Variants in BBX observed in about 807,000 individuals in gnomAD.
BBX encodes HMG box transcription factor BBX.
A neutral mutation model predicts 100.2 loss-of-function variants in BBX; 30 were observed. The ratio of observed to expected loss-of-function variants is 0.30; its 90% CI spans 0.22 to 0.41. BBX has a LOEUF of 0.41. Among genes scored for constraint, BBX ranks in the 10% least tolerant of loss-of-function variants. The pLI is 1.00. For missense variants in BBX, 1,023 were observed against 1,129.8 expected, an observed-to-expected ratio of 0.91 and a Z score of 1.35; for synonymous variants, 376 against 388.1, an observed-to-expected ratio of 0.97 and a Z score of 0.37.
intron 3 of BBX, among the ~76,000 whole-genome samples, chr3:107,655,335 A>G (rs943573784): frequency 2.6e-5 from 4 of 152,128 alleles, no homozygotes; most frequent in Admixed American, 2.0e-4. Context: ...GCTACCTGCT[A>G]TTAGTATTAA....
At chr3:107,690,617 A>G (rs1424259930) in intron 3 of BBX, among the ~76,000 whole-genome samples, 5 of 152,196 alleles carry the variant, frequency 3.3e-5, no homozygotes, top group South Asian at 2.1e-4. Context: ...TATATGGTTT[A>G]TGATTATTTT....
Position 107,800,727 on chromosome 3 carries a change from G to T in BBX, c.2552-368G>T, listed in dbSNP as rs375280212. Among the ~76,000 whole-genome samples the T allele has an allele frequency of 1.3e-4, 20 of 152,278 alleles. No individual in the cohort carries two copies. The East Asian group carries it at 2.5e-3, about 19-fold the overall frequency. On this transcript the variant is annotated intron_variant, in intron 16 of 17. Coordinates refer to ENST00000325805, the MANE Select transcript of BBX (RefSeq NM_001142568.3). ...TTCATGAGAAATGCTTAGTCAGTTG[G>T]GTTTTTAAGGGCTCTTTTACAGCAT...
intron 4 of BBX, among the ~76,000 whole-genome samples, chr3:107,712,419 A>G (rs1309964278): frequency 6.6e-6 from 1 of 152,048 alleles, no homozygotes; most frequent in African/African-American, 2.4e-5. Flanking sequence ...TTCTTCTCCC[A>G]ACCTTCTCCT....
intron 2 of BBX, chr3:107,641,895 A>G (rs1051296516): frequency 2.6e-5 from 4 of 152,158 alleles, no homozygotes. Context: ...CTCTTTATTC[A>G]TAGTTTATGT....
intron 3 of BBX, among the ~76,000 whole-genome samples, chr3:107,651,752 C>G (rs1240876138): frequency 6.6e-6 from 1 of 152,022 alleles, no homozygotes; most frequent in Admixed American, 6.6e-5. Context: ...TAATTATTGT[C>G]CTGTCTCCTT....
At chr3:107,766,943 A>G (rs1217948137) in intron 10 of BBX, among the ~76,000 whole-genome samples, 3 of 152,170 alleles carry the variant, frequency 2.0e-5, no homozygotes, top group South Asian at 4.1e-4. Context: ...TCAGCAACCT[A>G]ACACAGGAAC....
In BBX at chr3:107,588,901, G is replaced by A. The variant is rs369721274; in HGVS notation, c.-83-56935G>A. Among the ~76,000 whole-genome samples the A allele has an allele frequency of 9.9e-5, 15 of 152,220 alleles. No individual in the cohort carries two copies. The South Asian group carries it at 2.9e-3, about 29-fold the overall frequency. On this transcript the variant is annotated intron_variant, in intron 2 of 17. Coordinates refer to ENST00000325805, the MANE Select transcript of BBX (RefSeq NM_001142568.3). ...TTATTTATTTTAATTTTAAAATTAC[G>A]TATTTAGTCTACTAATCAACACCCA...
intron 3 of BBX, among the ~76,000 whole-genome samples, chr3:107,656,814 A>G (rs1402127493): frequency 6.6e-6 from 1 of 152,238 alleles, no homozygotes; most frequent in East Asian, 1.9e-4. Context: ...GGCAATGTCT[A>G]GGCACAAAAG....
chr3:107,525,662 T>G (rs1212905330), intron 1 of BBX, among the ~76,000 whole-genome samples: 1 of 152,120 alleles, frequency 6.6e-6, no homozygotes, highest in Non-Finnish European at 1.5e-5. Flanking sequence ...GTGGGATCCC[T>G]CGCTCTCTTC....
chr3:107,741,763 A>G (rs1298979618), intron 7 of BBX, among the ~76,000 whole-genome samples: 2 of 152,232 alleles, frequency 1.3e-5, no homozygotes, highest in Admixed American at 6.5e-5. Flanking sequence ...GATATGGCAC[A>G]ATATTTTAAA....
chr3:107,603,297 T>C (rs2054193644), intron 2 of BBX, among the ~76,000 whole-genome samples: 1 of 152,152 alleles, frequency 6.6e-6, no homozygotes, highest in South Asian at 2.1e-4. Context: ...TGTAAAATGC[T>C]ATCAAACCAC....
chr3:107,580,354 G>A (rs531439422), intron 2 of BBX, among the ~76,000 whole-genome samples: 1 of 151,162 alleles, frequency 6.6e-6, no homozygotes, highest in East Asian at 1.9e-4. Context: ...GGTTTTTTTT[G>A]TTGTGATTTT....
chr3:107,548,749 C>A (rs908717878), intron 2 of BBX, among the ~76,000 whole-genome samples: 1 of 152,128 alleles, frequency 6.6e-6, no homozygotes, highest in Non-Finnish European at 1.5e-5. Flanking sequence ...AGGTGCCCAT[C>A]AACAGTGGAT....
At chr3:107,737,445 G>A (rs1417576421) in intron 7 of BBX, among the ~76,000 whole-genome samples, 2 of 152,226 alleles carry the variant, frequency 1.3e-5, no homozygotes, top group Middle Eastern at 3.4e-3. Flanking sequence ...AGTATAGGAA[G>A]TCCAAAGTCA....
intron 2 of BBX, among the ~76,000 whole-genome samples, chr3:107,576,851 ATATT>A (rs1014501348): frequency 3.3e-5 from 5 of 151,826 alleles, no homozygotes; most frequent in South Asian, 4.2e-4. Context: ...TTGCAAGAAG[ATATT>A]TATTTATTTA....
At chr3:107,631,183 A>G (rs553221116) in intron 2 of BBX, among the ~76,000 whole-genome samples, 19 of 152,328 alleles carry the variant, frequency 1.2e-4, no homozygotes, top group African/African-American at 4.1e-4. Context: ...CCATTACAAT[A>G]GAGAAATTAC....
chr3:107,795,949 T>C (rs1380038502), intron 15 of BBX, among the ~76,000 whole-genome samples: 1 of 152,204 alleles, frequency 6.6e-6, no homozygotes, highest in Non-Finnish European at 1.5e-5. Flanking sequence ...AAAACAGTGC[T>C]AGTCACAGGA....
rs377520235 is a variant in BBX, at chr3:107,786,493, C to G, written c.2204-3294C>G. Among the ~76,000 whole-genome samples, 240 of 152,186 alleles carry G rather than the reference C, an allele frequency of 1.6e-3. 6 individuals carry two copies. The South Asian group carries it at 0.049, about 31-fold the overall frequency. On this transcript the variant is annotated intron_variant, in intron 13 of 17. Transcript: ENST00000325805. ...AATTGGTAGAGAACCTGTCATAAAC[C>G]TGACATTTTTGGTCAACTAATTTTC...
chr3:107,574,149 A>T (rs939624290), intron 2 of BBX, among the ~76,000 whole-genome samples: 17 of 152,372 alleles, frequency 1.1e-4, no homozygotes, highest in Admixed American at 5.9e-4. Context: ...CTCACTCTGA[A>T]GCAGGCAATA....
Sources: gnomAD v4.1 joint callset for allele counts (sites outside exome capture counted in the v4.1 genomes callset) on GRCh38, gnomAD v4.1.1 for gene constraint, MANE v1.5 for transcripts, NCBI Gene and HGNC (gene_info 2026-07-23, HGNC 2026-07-21) for gene names.